The following TMEM132B variants were observed in gnomAD, a reference collection of about 807,000 sequenced individuals.
The protein encoded by TMEM132B is transmembrane protein 132B.
TMEM132B carries 18 observed loss-of-function variants against 90.8 expected under a neutral mutation model. The ratio of observed to expected loss-of-function variants is 0.20; its 90% CI spans 0.14 to 0.29. The LOEUF (loss-of-function observed/expected upper bound fraction) is 0.29. TMEM132B is among the 10% of genes least tolerant of loss of function. TMEM132B has a pLI of 1.00. For synonymous variants in TMEM132B, 504 were observed against 523.3 expected, an observed-to-expected ratio of 0.96 and a Z score of 0.50; for missense variants, 1,096 against 1,326.8, an observed-to-expected ratio of 0.83 and a Z score of 2.70.
At chr12:125,555,232 T>G (rs932864294) in intron 4 of TMEM132B, among the ~76,000 whole-genome samples, 3 of 152,168 alleles carry the variant, frequency 2.0e-5, no homozygotes, top group African/African-American at 7.2e-5. Flanking sequence ...AATTCATGCA[T>G]ATTGGAACCT....
intron 1 of TMEM132B, among the ~76,000 whole-genome samples, chr12:125,346,154 T>C (rs141147368): frequency 7.2e-4 from 110 of 152,278 alleles, no homozygotes; most frequent in African/African-American, 2.5e-3. Context: ...TACACTGCTA[T>C]TTCAGATAAA....
chr12:125,204,985 G>T, intron 1 of TMEM132B, among the ~76,000 whole-genome samples: 1 of 113,070 alleles, frequency 8.8e-6, no homozygotes, highest in Non-Finnish European at 1.8e-5. Flanking sequence ...CAGGCACTGT[G>T]CTTAGCTCTT....
At chr12:125,327,030 G>A (rs1876602783) in intron 1 of TMEM132B, among the ~76,000 whole-genome samples, 1 of 151,946 alleles carries the variant, frequency 6.6e-6, no homozygotes, top group African/African-American at 2.4e-5. Context: ...AGCCTTCTCT[G>A]CAGGCTTGCC....
rs1306860170 is a variant in TMEM132B at position 125,660,720 on chromosome 12, C to T, written c.*6010C>T. On this transcript the variant is annotated 3_prime_UTR_variant, in exon 9 of 9. Transcript: ENST00000682704. ...AGCAAGCAATAATGTTATCAACTTA[C>T]AATATTGGACAATCTTCATATTCTA... is the stretch of plus-strand genomic sequence containing the variant. 6.6e-6 allele frequency: 1 copy of T among 152,196 alleles called. No individual in the cohort carries two copies. Among genetic ancestry groups the T allele is most frequent in the Non-Finnish European group, 1.5e-5 (1 of 68,034 alleles). The allele number at this position is 152,196 out of a possible 1,614,324, so 9.4% of individuals were successfully genotyped here. A position where few individuals can be genotyped will look rare whatever the true frequency, so the allele number is the denominator to read the frequency against.
chr12:125,329,592 A>G (rs1876701907), intron 1 of TMEM132B, among the ~76,000 whole-genome samples: 1 of 152,152 alleles, frequency 6.6e-6, no homozygotes. Flanking sequence ...TTTGGCTGGA[A>G]CGAGATGGGA....
chr12:125,654,050 G>A lies in TMEM132B; in HGVS notation c.2592G>A (p.Lys864=). The change falls in exon 9 of 9, where the codon AAG becomes AAA. Residue 864 remains lysine (K), a synonymous_variant. Coordinates refer to ENST00000682704, the MANE Select transcript of TMEM132B (RefSeq NM_001366854.1). This position sits in a 1 kb window ranked among gnomAD's most constrained non-coding sequence, Gnocchi z 5.8. ...AGTCTCCCATGGAAGGGAAGAATAA[G>A]TTACTCAAAAGTGGTGGTCCAGATG... ...TPQSPMEGKN[K]LLKSGGPDAF... is the part of the protein sequence containing the mutation. 6.2e-7 allele frequency: 1 copy of A among 1,614,158 alleles called. No individual in the cohort carries two copies.
At chr12:125,555,619 C>T (rs1012276333) in intron 4 of TMEM132B, among the ~76,000 whole-genome samples, 15 of 150,250 alleles carry the variant, frequency 1.0e-4, no homozygotes, top group South Asian at 4.2e-4. Context: ...ATGTAAATGA[C>T]GAGTTAATGG....
intron 1 of TMEM132B, among the ~76,000 whole-genome samples, chr12:125,305,073 G>A (rs1319601267): frequency 6.6e-6 from 1 of 152,002 alleles, no homozygotes; most frequent in Non-Finnish European, 1.5e-5. Context: ...GGCACTCCTT[G>A]TCATGGATTG....
intron 2 of TMEM132B, among the ~76,000 whole-genome samples, chr12:125,368,208 T>C (rs1878188780): frequency 6.6e-6 from 1 of 152,218 alleles, no homozygotes; most frequent in Non-Finnish European, 1.5e-5. Flanking sequence ...AGATATTTTG[T>C]AGATGGTCTC....
intron 5 of TMEM132B, among the ~76,000 whole-genome samples, chr12:125,603,157 TAAGTG>T (rs770519755): frequency 2.0e-5 from 3 of 152,188 alleles, no homozygotes; most frequent in African/African-American, 7.2e-5. Context: ...AAGAAAATCT[TAAGTG>T]AAGAGAACAA....
At chr12:125,467,898 T>C (rs565533960) in intron 3 of TMEM132B, among the ~76,000 whole-genome samples, 57 of 152,360 alleles carry the variant, frequency 3.7e-4, no homozygotes, top group African/African-American at 1.3e-3. Flanking sequence ...TAGCATAATA[T>C]TTTCAAGGTT....
At chr12:125,648,508 TAAAG>T (rs1311167041) in intron 6 of TMEM132B, among the ~76,000 whole-genome samples, 1 of 151,022 alleles carries the variant, frequency 6.6e-6, no homozygotes, top group Non-Finnish European at 1.5e-5. Flanking sequence ...GGGAATTGCA[TAAAG>T]AGTGTATAAG....
chr12:125,590,329 TACTA>T (rs1201753007), intron 5 of TMEM132B, among the ~76,000 whole-genome samples: 1 of 152,226 alleles, frequency 6.6e-6, no homozygotes, highest in African/African-American at 2.4e-5. Flanking sequence ...ATGTCTATTT[TACTA>T]ACTATTCTTT....
At chr12:125,486,992 T>C (rs1035489543) in intron 3 of TMEM132B, among the ~76,000 whole-genome samples, 2 of 152,206 alleles carry the variant, frequency 1.3e-5, no homozygotes, top group Non-Finnish European at 2.9e-5. Context: ...CTTGTAAAAT[T>C]TGTTCCGAAA....
At chr12:125,190,577 G>A (rs1347059607) in intron 1 of TMEM132B, among the ~76,000 whole-genome samples, 1 of 124,120 alleles carries the variant, frequency 8.1e-6, no homozygotes, top group Non-Finnish European at 1.7e-5. Context: ...GATAGGGAAG[G>A]GGTGATGATG....
chr12:125,291,172 C>G (rs1875528711), intron 1 of TMEM132B, among the ~76,000 whole-genome samples: 1 of 152,204 alleles, frequency 6.6e-6, no homozygotes. Flanking sequence ...CTAACTCTCT[C>G]TCTGCCATGT....
At chr12:125,359,410 A>G (rs546746723) in intron 2 of TMEM132B, among the ~76,000 whole-genome samples, 4 of 152,240 alleles carry the variant, frequency 2.6e-5, no homozygotes, top group African/African-American at 7.2e-5. Context: ...TAATATTCTT[A>G]TAACAATCCT....
intron 1 of TMEM132B, among the ~76,000 whole-genome samples, chr12:125,249,658 C>G (rs930659438): frequency 1.3e-5 from 2 of 152,156 alleles, no homozygotes; most frequent in African/African-American, 4.8e-5. Context: ...AAATTCATAC[C>G]AAGATGGTAA....
chr12:125,313,577 C>T (rs1370204548), intron 1 of TMEM132B, among the ~76,000 whole-genome samples: 10 of 80,912 alleles, frequency 1.2e-4, no homozygotes, highest in African/African-American at 4.4e-4. Context: ...CTCTCCTTTC[C>T]CCTCCCCTCC....
Sources: gnomAD v4.1 joint callset for allele counts (sites outside exome capture counted in the v4.1 genomes callset) on GRCh38, gnomAD v4.1.1 for gene constraint, Gnocchi (gnomAD v3.1) non-coding constraint, MANE v1.5 for transcripts, NCBI Gene and HGNC (gene_info 2026-07-23, HGNC 2026-07-21) for gene names.